Variants in SHANK2 observed in about 807,000 individuals in gnomAD.
SHANK2 encodes the protein SH3 and multiple ankyrin repeat domains 2.
In SHANK2, 43 loss-of-function variants were observed where a neutral mutation model predicts 133.7. That is an observed-to-expected ratio of 0.32 (90% CI 0.25 to 0.41). The LOEUF (loss-of-function observed/expected upper bound fraction) is 0.41. SHANK2 is among the 10% of genes least tolerant of loss of function. SHANK2 has a pLI of 1.00. For synonymous variants in SHANK2, 1,017 were observed against 952.8 expected (o/e 1.07, Z -1.24); for missense variants, 1,994 against 2,235.8 (o/e 0.89, Z 2.18).
intron 17 of SHANK2, among the ~76,000 whole-genome samples, chr11:70,616,021 G>T (rs1464958903): frequency 6.6e-6 from 1 of 152,122 alleles, no homozygotes; most frequent in Non-Finnish European, 1.5e-5. Flanking sequence ...CGAGACCAGA[G>T]CCTGCCTCTG....
intron 10 of SHANK2, among the ~76,000 whole-genome samples, chr11:70,940,409 G>A (rs556233111): frequency 1.1e-3 from 164 of 151,742 alleles, no homozygotes; most frequent in Middle Eastern, 0.01. Context: ...ACCACGCCCA[G>A]CTAATTAGCT....
intron 15 of SHANK2, 34 bp downstream of exon 15, chr11:70,698,654 A>G: frequency 2.8e-6 from 2 of 718,584 alleles, no homozygotes; most frequent in South Asian, 3.0e-5. Context: ...AGCTTTGACC[A>G]GAGGGTCCTG....
intron 13 of SHANK2, among the ~76,000 whole-genome samples, chr11:70,802,597 C>A (rs998608839): frequency 3.9e-5 from 6 of 152,162 alleles, no homozygotes; most frequent in African/African-American, 1.4e-4. Context: ...GTTCTTGAAT[C>A]CACATATCCT....
intron 2 of SHANK2, among the ~76,000 whole-genome samples, chr11:71,203,282 C>G (rs1326458968): frequency 3.3e-5 from 5 of 152,190 alleles, no homozygotes; most frequent in Non-Finnish European, 5.9e-5. Context: ...CAATCTCCCA[C>G]ATGCCTAAGA....
At chr11:70,890,853 A>G (rs1422175169) in intron 11 of SHANK2, among the ~76,000 whole-genome samples, 5 of 151,190 alleles carry the variant, frequency 3.3e-5, no homozygotes, top group Non-Finnish European at 5.9e-5. Context: ...AATCACAGCT[A>G]CTCAGGGGGC....
At chr11:70,872,091 C>T (rs544866270) in intron 11 of SHANK2, among the ~76,000 whole-genome samples, 19 of 152,242 alleles carry the variant, frequency 1.2e-4, no homozygotes, top group Admixed American at 1.1e-3. Flanking sequence ...TACGTCACAC[C>T]GCCAGTGGGT....
chr11:71,134,686 C>A (rs560403503), intron 3 of SHANK2, among the ~76,000 whole-genome samples: 2 of 152,016 alleles, frequency 1.3e-5, no homozygotes, highest in Non-Finnish European at 2.9e-5. Flanking sequence ...ATACTCCACC[C>A]GCCTCGGCCT....
intron 2 of SHANK2, among the ~76,000 whole-genome samples, chr11:71,197,284 G>A (rs1254097051): frequency 1.4e-5 from 2 of 139,952 alleles, no homozygotes; most frequent in African/African-American, 3.1e-5. Context: ...GGGCCCTCCC[G>A]GGTGGGGTGG....
intron 2 of SHANK2, among the ~76,000 whole-genome samples, chr11:71,149,239 C>G (rs536866067): frequency 6.6e-6 from 1 of 152,282 alleles, no homozygotes; most frequent in South Asian, 2.1e-4. Flanking sequence ...TGCCTTCCCC[C>G]GCCACTGGTG....
intron 17 of SHANK2, among the ~76,000 whole-genome samples, chr11:70,542,349 C>T (rs2059633407): frequency 6.6e-6 from 1 of 152,180 alleles, no homozygotes; most frequent in African/African-American, 2.4e-5. Context: ...GACAGAGACA[C>T]AGGTTGGCAC....
chr11:70,695,840 C>T (rs1945380846), intron 15 of SHANK2, among the ~76,000 whole-genome samples: 1 of 152,152 alleles, frequency 6.6e-6, no homozygotes, highest in Non-Finnish European at 1.5e-5. Flanking sequence ...TTCAATGAAC[C>T]ACAGGGTCAC....
chr11:70,589,718 T>C (rs1004426776), intron 17 of SHANK2, among the ~76,000 whole-genome samples: 2 of 152,144 alleles, frequency 1.3e-5, no homozygotes, highest in Admixed American at 6.5e-5. Context: ...TTAGGAACAT[T>C]TGTGATTCAT....
intron 14 of SHANK2, chr11:70,705,283 G>A (rs1945636451): frequency 1.3e-5 from 2 of 152,212 alleles, no homozygotes; most frequent in Non-Finnish European, 2.9e-5. Flanking sequence ...GGGAATGCTT[G>A]TTACTGCAGC....
chr11:70,947,934 G>T (rs1174735552), intron 10 of SHANK2, among the ~76,000 whole-genome samples: 5 of 152,104 alleles, frequency 3.3e-5, no homozygotes, highest in African/African-American at 1.2e-4. Flanking sequence ...AAGCAACGTG[G>T]CCCTCTGTGG....
intron 14 of SHANK2, among the ~76,000 whole-genome samples, chr11:70,763,166 G>C (rs1555040597): frequency 6.6e-6 from 1 of 152,234 alleles, no homozygotes; most frequent in African/African-American, 2.4e-5. Flanking sequence ...GTGGAGGATA[G>C]AGCGAAAACC....
Position 70,503,742 on chromosome 11 carries a change from C to T in SHANK2, c.2062-811G>A, listed in dbSNP as rs900886562. Among the ~76,000 whole-genome samples the T allele has an allele frequency of 8.5e-5, 13 of 152,236 alleles. No homozygotes were observed. In the East Asian group the frequency reaches 1.5e-3, roughly 18 times the overall value. On this transcript the variant is annotated intron_variant, in intron 17 of 25. Coordinates refer to ENST00000601538, the MANE Select transcript of SHANK2 (RefSeq NM_012309.5). ...GACTCAGGGTGCCATCCCCCTGGCCCCTCTGCTATTCTCACCTCCCTGAGC... is the reference window on the plus strand; with the variant it reads ...GACTCAGGGTGCCATCCCCCTGGCCTCTCTGCTATTCTCACCTCCCTGAGC...
intron 17 of SHANK2, among the ~76,000 whole-genome samples, chr11:70,593,790 GCTGGAGGGAC>G (rs2060361071): frequency 6.6e-6 from 1 of 152,244 alleles, no homozygotes; most frequent in African/African-American, 2.4e-5. Flanking sequence ...TTTGGCCTCA[GCTGGAGGGAC>G]CTATGCAACT....
At chr11:71,246,918 T>G (rs556745742) in intron 1 of SHANK2, among the ~76,000 whole-genome samples, 54 of 152,188 alleles carry the variant, frequency 3.5e-4, no homozygotes, top group Non-Finnish European at 5.1e-4. Flanking sequence ...ATATTTATAG[T>G]TTTTGACCAA....
At chr11:71,136,864 T>C (rs1952448980) in intron 3 of SHANK2, among the ~76,000 whole-genome samples, 1 of 152,172 alleles carries the variant, frequency 6.6e-6, no homozygotes, top group South Asian at 2.1e-4. Context: ...TCAAATGGTA[T>C]TCTTTTTTAT....
Sources: allele counts gnomAD v4.1 joint callset (sites outside exome capture counted in the v4.1 genomes callset), GRCh38; gene constraint gnomAD v4.1.1; transcripts MANE v1.5; gene names NCBI Gene and HGNC (gene_info 2026-07-23, HGNC 2026-07-21).